KIF22: variants seen among roughly 807,000 people sequenced by gnomAD.
KIF22 encodes kinesin-like protein KIF22.
A neutral mutation model predicts 73.0 loss-of-function variants in KIF22; 62 were observed. The ratio of observed to expected loss-of-function variants is 0.85; its 90% confidence interval spans 0.69 to 1.05. The LOEUF (loss-of-function observed/expected upper bound fraction) is 1.05. Ranked by LOEUF, KIF22 falls within the 50% of genes least tolerant of loss-of-function variation. The probability of loss-of-function intolerance (pLI) is 0.00; values close to 1 mark genes in which losing one functional copy is unlikely to be tolerated. For missense variants in KIF22, 854 were observed against 870.1 expected, an observed-to-expected ratio of 0.98 and a Z score of 0.23; for synonymous variants, 411 against 340.1, an observed-to-expected ratio of 1.21 and a Z score of -2.29.
At chr16:29,804,433 T>C (rs1899271688) in intron 11 of KIF22, 3 of 625,368 alleles carry the variant, frequency 4.8e-6, no homozygotes, top group Admixed American at 2.3e-5. Context: ...ACTGAGATGG[T>C]TGGGGGAGGT....
chr16:29,798,337 C>T lies in KIF22; in HGVS notation c.267-37C>T, dbSNP rs766879432. 4 of 1,576,208 alleles carry T rather than the reference C, an allele frequency of 2.5e-6. No individual in the cohort carries two copies. The highest frequency in any genetic ancestry group is 2.1e-4 in the Middle Eastern group (1 of 4,724). ...TTACACACACACACACACACACACACACACACACACGCTAATTTCTTTCTT... is the reference window on the plus strand; with the variant it reads ...TTACACACACACACACACACACACATACACACACACGCTAATTTCTTTCTT... On this transcript the variant is annotated intron_variant, in intron 2 of 13. Coordinates refer to ENST00000160827, the MANE Select transcript of KIF22 (RefSeq NM_007317.3). This position sits in a 1 kb window ranked among gnomAD's most constrained non-coding sequence, Gnocchi z 4.1.
In KIF22 at chr16:29,802,797, C is replaced by A. The variant is rs1287026031; in HGVS notation, c.1309C>A (p.Pro437Thr). 6.3e-7 allele frequency: 1 copy of A among 1,598,590 alleles called. No individual in the cohort carries two copies. The highest frequency in any genetic ancestry group is 1.1e-5 in the South Asian group (1 of 88,540). ...CCTACAGAAGCTAAGCAGCATGGACCCGGCCATGCTGGAGCGCCTCCTCAG... is the reference window on the plus strand; with the variant it reads ...CCTACAGAAGCTAAGCAGCATGGACACGGCCATGCTGGAGCGCCTCCTCAG... The part of the protein sequence containing the change: ...SPLQKLSSMD[P>T]AMLERLLSLD... The change falls in exon 9 of 14, where the codon CCG (proline) becomes ACG (threonine). Residue 437 changes from proline (P) to threonine (T), a missense_variant. Coordinates refer to ENST00000160827, the MANE Select transcript of KIF22 (RefSeq NM_007317.3).
Position 29,804,841 on chromosome 16 carries a change from G to C in KIF22, c.1705G>C (p.Glu569Gln), listed in dbSNP as rs369297142. ...KLESLDALEPEEKAEDCWELQ... is the reference protein window; with the variant it reads ...KLESLDALEPQEKAEDCWELQ... Reference sequence around the variant, plus strand: ...GGAGTCCCTGGATGCCCTAGAGCCTGAGGAGAAGGCTGAGGACTGCTGGGA... The same window carrying C: ...GGAGTCCCTGGATGCCCTAGAGCCTCAGGAGAAGGCTGAGGACTGCTGGGA... Residue 569 changes from glutamate (E) to glutamine (Q), a missense_variant, in exon 12 of 14, where the codon GAG becomes CAG. Glu to Gln is a conservative substitution (Grantham distance 29, BLOSUM62 2). Transcript: ENST00000160827. 6.2e-7 allele frequency: 1 copy of C among 1,612,516 alleles called. No individual in the cohort carries two copies. Among genetic ancestry groups the C allele is most frequent in the South Asian group, 1.1e-5 (1 of 90,846 alleles).
rs374494452 is a variant in KIF22, at chr16:29,805,045, G to C, written c.1890+19G>C. 6.1e-5 allele frequency: 99 copies of C among 1,611,308 alleles called. No individual in the cohort carries two copies. The highest frequency in any genetic ancestry group is 8.1e-5 in the Non-Finnish European group (95 of 1,178,768). ...CAGCCAGGTAGCAGCCCACTGGACT[G>C]GGGGAGGGCGGGGGCGGGGGAGACC... On this transcript the variant is annotated intron_variant, in intron 12 of 13. Coordinates refer to ENST00000160827, the MANE Select transcript of KIF22 (RefSeq NM_007317.3).
rs932307425 is a variant in KIF22, at chr16:29,804,082, G to A, written c.1677+17G>A. On this transcript the variant is annotated intron_variant, in intron 11 of 13. Coordinates refer to ENST00000160827, the MANE Select transcript of KIF22 (RefSeq NM_007317.3). ...AAGAGAAAGGTGAAAGTAGCTGGGG[G>A]CTTAGGCTACACCTGGAGCCCAGAA... is the stretch of plus-strand genomic sequence containing the variant. 18 of 1,606,240 alleles carry A rather than the reference G, an allele frequency of 1.1e-5. 1 individual carries two copies. The Admixed American group carries it at 3.0e-4, about 27-fold the overall frequency.
At position 29,799,362 on chromosome 16, in the gene KIF22, C is replaced by T; in HGVS notation, c.858C>T (p.Asn286=). ...AGSEDNRRTG[N]KGLRLKESGA... ...CAGAGGACAACCGGCGCACAGGCAA[C>T]AAGGGCCTTCGGCTAAAAGAGAGTG... Residue 286 remains asparagine (N), a synonymous_variant, in exon 6 of 14, where the codon AAC becomes AAT. Coordinates refer to ENST00000160827, the MANE Select transcript of KIF22 (RefSeq NM_007317.3). 1 of 1,614,236 alleles carries T rather than the reference C, an allele frequency of 6.2e-7. No individual in the cohort carries two copies. The highest frequency in any genetic ancestry group is 8.5e-7 in the Non-Finnish European group (1 of 1,180,048).
chr16:29,803,966 C>T, intron 10 of KIF22, 32 bp from the exon 11 acceptor site: 1 of 1,570,016 alleles, frequency 6.4e-7, no homozygotes, highest in South Asian at 1.1e-5. Flanking sequence ...GTACCCTTTG[C>T]CCTGACTCCA....
intron 9 of KIF22, among the ~76,000 whole-genome samples, chr16:29,803,245 A>G (rs1899202621): frequency 6.6e-6 from 1 of 152,206 alleles, no homozygotes; most frequent in Non-Finnish European, 1.5e-5. Context: ...ATATTTGCAG[A>G]GGCTTGTTCC....
In KIF22 at chr16:29,796,935, G is replaced by A. The variant is rs764538488; in HGVS notation, c.113G>A (p.Arg38His). ...CTAAGCAAGATTGGAGCTACTCGTC[G>A]TCCACCTCCAGCTCGCGTAAGGGTG... is the stretch of plus-strand genomic sequence containing the variant. ...CRLSKIGATR[R>H]PPPARVRVAV... Residue 38 changes from arginine to histidine, a missense_variant, in exon 2 of 14, where the codon CGT becomes CAT. Physicochemically the swap from Arg to His is conservative, Grantham distance 29. Transcript: ENST00000160827. 1.9e-5 allele frequency: 31 copies of A among 1,613,958 alleles called. No individual in the cohort carries two copies. Among genetic ancestry groups the A allele is most frequent in the Non-Finnish European group, 2.3e-5 (27 of 1,179,986 alleles).
In KIF22 at chr16:29,798,407, G is replaced by A. The variant is rs1380705685; in HGVS notation, c.300G>A (p.Gln100=). Residue 100 remains glutamine (Q), a synonymous_variant, in exon 3 of 14, where the codon CAG becomes CAA. Coordinates refer to ENST00000160827, the MANE Select transcript of KIF22 (RefSeq NM_007317.3). This position sits in a 1 kb window ranked among gnomAD's most constrained non-coding sequence, Gnocchi z 4.1. ...FDAFYGERST[Q]QDIYAGSVQP... ...CCTTCTATGGGGAGAGGAGTACTCAGCAGGACATCTATGCAGGTTCAGTGC... is the reference window on the plus strand; with the variant it reads ...CCTTCTATGGGGAGAGGAGTACTCAACAGGACATCTATGCAGGTTCAGTGC... 2 of 1,611,578 alleles carry A rather than the reference G, an allele frequency of 1.2e-6. No individual in the cohort carries two copies. Among genetic ancestry groups the A allele is most frequent in the African/African-American group, 1.3e-5 (1 of 74,502 alleles).
At chr16:29,790,909 C>A in intron 1 of KIF22, 80 bp downstream of exon 1, 7 of 1,537,412 alleles carry the variant, frequency 4.6e-6, no homozygotes, top group Non-Finnish European at 6.2e-6. Context: ...GTGGTCCAGG[C>A]TCTGCGGGTT....
chr16:29,804,905 A>G lies in KIF22; in HGVS notation c.1769A>G (p.Gln590Arg). Residue 590 changes from glutamine to arginine, a missense_variant, in exon 12 of 14, where the codon CAA becomes CGA. By Grantham distance (43) the Gln-to-Arg change is conservative. This residue lies in a region of KIF22 where 423 missense variants were observed against 365.4 expected (regional missense o/e 1.16). Transcript: ENST00000160827. The part of the protein sequence containing the change: ...ISPELLAHGR[Q>R]KILDLLNEGS... ...CCGGAGCTACTGGCTCATGGGCGCC[A>G]AAAAATACTGGATCTGCTGAACGAA... is the stretch of plus-strand genomic sequence containing the variant. 6.2e-7 allele frequency: 1 copy of G among 1,613,822 alleles called. No individual in the cohort carries two copies. The highest frequency in any genetic ancestry group is 8.5e-7 in the Non-Finnish European group (1 of 1,179,968).
At position 29,797,118 on chromosome 16, in the gene KIF22, T is replaced by G. The variant is rs754622403; in HGVS notation, c.266+30T>G. ...GGTTCAGGCCACTCCTCTTCCCTCATGCCATCACCTCCCTCTCCTAGGCCT... is the reference window on the plus strand; with the variant it reads ...GGTTCAGGCCACTCCTCTTCCCTCAGGCCATCACCTCCCTCTCCTAGGCCT... On this transcript the variant is annotated intron_variant, in intron 2 of 13. Coordinates refer to ENST00000160827, the MANE Select transcript of KIF22 (RefSeq NM_007317.3). This position sits in a 1 kb window ranked among gnomAD's most constrained non-coding sequence, Gnocchi z 4.1. The G allele has an allele frequency of 6.7e-7, 1 of 1,497,346 alleles. No homozygotes were observed. Among genetic ancestry groups the G allele is most frequent in the Non-Finnish European group, 9.0e-7 (1 of 1,106,704 alleles). 92.8% of individuals were successfully genotyped at this position (1,497,346 alleles called of 1,614,324 possible).
In KIF22 at chr16:29,805,377, G is replaced by A. The variant is rs971887583; in HGVS notation, c.*67G>A. ...CCCGTGTTGTGTAAATACAGTTTTT[G>A]CTCCGGTGCTTCCGCCTGATTTTTG... On this transcript the variant is annotated 3_prime_UTR_variant, in exon 14 of 14. Coordinates refer to ENST00000160827, the MANE Select transcript of KIF22 (RefSeq NM_007317.3). 7 of 1,532,928 alleles carry A rather than the reference G, an allele frequency of 4.6e-6. No individual in the cohort carries two copies. Among genetic ancestry groups the A allele is most frequent in the Non-Finnish European group, 6.3e-6 (7 of 1,119,112 alleles). 95.0% of individuals were successfully genotyped at this position (1,532,928 alleles called of 1,614,324 possible). A position where few individuals can be genotyped will look rare whatever the true frequency, so the allele number is the denominator to read the frequency against.
rs933179669 is a variant in KIF22 at position 29,796,989 on chromosome 16, G to C, written c.167G>C (p.Gly56Ala). ...GTGCGACTGCGGCCATTTGTGGATGGAACAGCGGGAGCAAGTGATCCCCCC... is the reference window on the plus strand; with the variant it reads ...GTGCGACTGCGGCCATTTGTGGATGCAACAGCGGGAGCAAGTGATCCCCCC... ...VAVRLRPFVDGTAGASDPPCV... is the reference protein window; with the variant it reads ...VAVRLRPFVDATAGASDPPCV... Residue 56 changes from glycine to alanine, a missense_variant, in exon 2 of 14, where the codon GGA (glycine) becomes GCA (alanine). By Grantham distance (60) the Gly-to-Ala change is moderately conservative. This residue lies in a region of KIF22 where 186 missense variants were observed against 152.9 expected (regional missense o/e 1.22). Transcript: ENST00000160827. The C allele has an allele frequency of 6.2e-7, 1 of 1,614,114 alleles. No homozygotes were observed. The highest frequency in any genetic ancestry group is 2.2e-5 in the East Asian group (1 of 44,876).
intron 10 of KIF22, 82 bp downstream of exon 10, chr16:29,803,690 G>A: frequency 1.7e-6 from 2 of 1,163,192 alleles, no homozygotes; most frequent in South Asian, 1.4e-5. Context: ...CTGTCTCCAT[G>A]TCATTCATAT....
chr16:29,798,876 T>G lies in KIF22; in HGVS notation c.550-99T>G, dbSNP rs887696088. On this transcript the variant is annotated intron_variant, in intron 4 of 13. Coordinates refer to ENST00000160827, the MANE Select transcript of KIF22 (RefSeq NM_007317.3). This position sits in a 1 kb window ranked among gnomAD's most constrained non-coding sequence, Gnocchi z 4.1. Reference sequence around the variant, plus strand: ...GAAAGACAGAGACTGGGGTAGCAGATGGTACAACTCCGAGAATAGAACAGA... The same window carrying G: ...GAAAGACAGAGACTGGGGTAGCAGAGGGTACAACTCCGAGAATAGAACAGA... The G allele has an allele frequency of 4.6e-6, 7 of 1,529,130 alleles. No homozygotes were observed. In the African/African-American group the frequency reaches 9.6e-5, roughly 21 times the overall value. The allele number at this position is 1,529,130 out of a possible 1,614,324, so 94.7% of individuals were successfully genotyped here.
chr16:29,793,225 G>A lies in KIF22; in HGVS notation c.70+2396G>A, dbSNP rs1293641006. ...TGGGAGACCAAGGTGGGTGGATCAC[G>A]AGGTCAAGAGATCGAGACCATCTTG... On this transcript the variant is annotated intron_variant, in intron 1 of 13. Coordinates refer to ENST00000160827, the MANE Select transcript of KIF22 (RefSeq NM_007317.3). 3.3e-5 allele frequency among the ~76,000 whole-genome samples: 5 copies of A among 152,138 alleles called. No individual in the cohort carries two copies. In the South Asian group the frequency reaches 6.2e-4, roughly 19 times the overall value.
intron 1 of KIF22, among the ~76,000 whole-genome samples, chr16:29,794,142 G>A (rs1187631007): frequency 6.6e-6 from 1 of 152,208 alleles, no homozygotes; most frequent in Non-Finnish European, 1.5e-5. Flanking sequence ...GAGATGCAAA[G>A]ATGAAGGGGC....
Sources: allele counts gnomAD v4.1 joint callset (sites outside exome capture counted in the v4.1 genomes callset), GRCh38; gene constraint gnomAD v4.1.1; regional missense constraint gnomAD v4.1.1; non-coding constraint Gnocchi (gnomAD v3.1); transcripts MANE v1.5; gene names NCBI Gene and HGNC (gene_info 2026-07-23, HGNC 2026-07-21).